Variants in CLMN observed in about 807,000 individuals in gnomAD.
CLMN encodes the protein calmin (calponin-like, transmembrane).
CLMN carries 57 observed loss-of-function variants against 92.7 expected under a neutral mutation model. The observed-to-expected ratio is 0.61, with a 90% confidence interval of 0.50 to 0.77. CLMN has a LOEUF of 0.77. Ranked by LOEUF, CLMN falls within the 30% of genes least tolerant of loss-of-function variation. CLMN has a pLI of 0.00. For synonymous variants in CLMN, 466 were observed against 470.6 expected (o/e 0.99, Z 0.13); for missense variants, 1,158 against 1,237.5 (o/e 0.94, Z 0.96).
intron 1 of CLMN, among the ~76,000 whole-genome samples, chr14:95,258,558 G>A (rs1899110356): frequency 6.7e-6 from 1 of 149,452 alleles, no homozygotes; most frequent in African/African-American, 2.5e-5. Flanking sequence ...TGTGTGGTGT[G>A]GTTGTGTGTG....
intron 1 of CLMN, among the ~76,000 whole-genome samples, chr14:95,270,337 A>G (rs1843854770): frequency 6.6e-6 from 1 of 152,236 alleles, no homozygotes; most frequent in South Asian, 2.1e-4. Context: ...CCCATAGCTC[A>G]GTGGTATCTA....
rs550367151 is a variant in CLMN, at chr14:95,259,344, G to A, written c.83-29211C>T. ...GCTGACAGCAGGCTGGACCCTGGCC[G>A]TCCACTGGCTCCCCACTCACCAGGC... is the stretch of plus-strand genomic sequence containing the variant. On this transcript the variant is annotated intron_variant, in intron 1 of 12. Transcript: ENST00000298912. The surrounding 1 kb of genome is among the most constrained non-coding windows in gnomAD (Gnocchi z 4.3). 1.8e-4 allele frequency among the ~76,000 whole-genome samples: 28 copies of A among 152,178 alleles called. No individual in the cohort carries two copies. Among genetic ancestry groups the A allele is most frequent in the African/African-American group, 5.5e-4 (23 of 41,490 alleles).
At chr14:95,209,602 TGAG>T in intron 7 of CLMN, 125 bp from the exon 8 acceptor site, 3 of 768,934 alleles carry the variant, frequency 3.9e-6, no homozygotes, top group Non-Finnish European at 4.5e-6. Context: ...ATTTTCCACT[TGAG>T]GAACTTTAGG....
intron 4 of CLMN, among the ~76,000 whole-genome samples, chr14:95,216,952 C>T (rs962614052): frequency 6.6e-6 from 1 of 152,144 alleles, no homozygotes; most frequent in Non-Finnish European, 1.5e-5. Flanking sequence ...AGTGCATGCT[C>T]GGGTTTGAGG....
intron 1 of CLMN, among the ~76,000 whole-genome samples, chr14:95,252,306 C>T (rs192698006): frequency 9.2e-5 from 14 of 152,278 alleles, no homozygotes; most frequent in Admixed American, 1.3e-4. Context: ...TGTCCCCATA[C>T]GGAAAGTGGG....
intron 1 of CLMN, among the ~76,000 whole-genome samples, chr14:95,276,359 G>T (rs1899927724): frequency 6.6e-6 from 1 of 152,178 alleles, no homozygotes; most frequent in Non-Finnish European, 1.5e-5. Flanking sequence ...ATTCTCTTTG[G>T]ATTAATCTGC....
At position 95,188,337 on chromosome 14, in the gene CLMN, C is replaced by T. The variant is rs886725425; in HGVS notation, c.*3227G>A. The T allele has an allele frequency of 2.6e-5, 4 of 152,200 alleles. No homozygotes were observed. Among genetic ancestry groups the T allele is most frequent in the East Asian group, 1.9e-4 (1 of 5,200 alleles). The allele number at this position is 152,200 out of a possible 1,614,324, so 9.4% of individuals were successfully genotyped here. On this transcript the variant is annotated 3_prime_UTR_variant, in exon 13 of 13. Coordinates refer to ENST00000298912, the MANE Select transcript of CLMN (RefSeq NM_024734.4). Reference sequence around the variant, plus strand: ...CTTCCCCTCAGACCACAATCATTAACGTCCACAGAGAGACAAAATCTGCAT... The same window carrying T: ...CTTCCCCTCAGACCACAATCATTAATGTCCACAGAGAGACAAAATCTGCAT...
In CLMN at chr14:95,194,211, G is replaced by A. The variant is rs1896635961; in HGVS notation, c.2770-292C>T. ...TACTGAGCACGTGCCACTGTCCATC[G>A]GACCTTGACTCATGTTGCACCTCTG... On this transcript the variant is annotated intron_variant, in intron 11 of 12. Coordinates refer to ENST00000298912, the MANE Select transcript of CLMN (RefSeq NM_024734.4). The surrounding 1 kb of genome is among the most constrained non-coding windows in gnomAD (Gnocchi z 4.0). 9 of 1,393,428 alleles carry A rather than the reference G, an allele frequency of 6.5e-6. No individual in the cohort carries two copies. Among genetic ancestry groups the A allele is most frequent in the African/African-American group, 1.5e-5 (1 of 68,918 alleles). The allele number at this position is 1,393,428 out of a possible 1,614,324, so 86.3% of individuals were successfully genotyped here.
At chr14:95,205,672 T>C (rs1161837717) in intron 8 of CLMN, among the ~76,000 whole-genome samples, 1 of 152,056 alleles carries the variant, frequency 6.6e-6, no homozygotes, top group African/African-American at 2.4e-5. Flanking sequence ...TGAAGTAAAA[T>C]TATATATGTG....
intron 1 of CLMN, among the ~76,000 whole-genome samples, chr14:95,251,766 C>T (rs773576516): frequency 6.6e-6 from 1 of 152,230 alleles, no homozygotes; most frequent in Non-Finnish European, 1.5e-5. Context: ...AACAGCACCT[C>T]TTCCCATTGT....
intron 1 of CLMN, among the ~76,000 whole-genome samples, chr14:95,273,588 G>A (rs143035342): frequency 9.7e-4 from 147 of 152,324 alleles, no homozygotes; most frequent in African/African-American, 3.3e-3. Context: ...ATCAGTGCTT[G>A]TGATGGTGCC....
chr14:95,220,374 A>G (rs1897495483), intron 4 of CLMN, among the ~76,000 whole-genome samples: 1 of 151,978 alleles, frequency 6.6e-6, no homozygotes, highest in African/African-American at 2.4e-5. Context: ...ATGGCGTTTC[A>G]TCATGTTGGC....
At chr14:95,255,308 G>C (rs1898953390) in intron 1 of CLMN, among the ~76,000 whole-genome samples, 1 of 152,334 alleles carries the variant, frequency 6.6e-6, no homozygotes, top group Non-Finnish European at 1.5e-5. Context: ...TGTGACTTCA[G>C]TTGCTAGCAG....
intron 1 of CLMN, among the ~76,000 whole-genome samples, chr14:95,301,575 A>C (rs1458493240): frequency 6.6e-6 from 1 of 152,196 alleles, no homozygotes; most frequent in Non-Finnish European, 1.5e-5. Context: ...CCAAAAGGTC[A>C]CTTCATTATT....
At chr14:95,211,461 A>T (rs1897194965) in intron 6 of CLMN, among the ~76,000 whole-genome samples, 1 of 152,190 alleles carries the variant, frequency 6.6e-6, no homozygotes, top group Non-Finnish European at 1.5e-5. Context: ...CAGTAATAGA[A>T]ATAAAAGCAC....
intron 1 of CLMN, among the ~76,000 whole-genome samples, chr14:95,295,276 C>T (rs765651701): frequency 5.9e-5 from 9 of 152,230 alleles, no homozygotes; most frequent in African/African-American, 9.6e-5. Context: ...AGGGTAGCCA[C>T]TGGAAAGGGT....
At position 95,259,281 on chromosome 14, in the gene CLMN, G is replaced by A. The variant is rs1017238897; in HGVS notation, c.83-29148C>T. Reference sequence around the variant, plus strand: ...CTTCCCCAATGTCAGTGGGAATGGAGGGGTAAACACATATGTTTGGTTGGG... The same window carrying A: ...CTTCCCCAATGTCAGTGGGAATGGAAGGGTAAACACATATGTTTGGTTGGG... On this transcript the variant is annotated intron_variant, in intron 1 of 12. Coordinates refer to ENST00000298912, the MANE Select transcript of CLMN (RefSeq NM_024734.4). The surrounding 1 kb of genome is among the most constrained non-coding windows in gnomAD (Gnocchi z 4.3). Among the ~76,000 whole-genome samples, 3 of 152,062 alleles carry A rather than the reference G, an allele frequency of 2.0e-5. No homozygotes were observed. The highest frequency in any genetic ancestry group is 7.3e-5 in the African/African-American group (3 of 41,366).
At chr14:95,215,813 CTCTGTGTGTGTGTGTGTGTGTG>C in intron 4 of CLMN, 80 bp from the exon 5 acceptor site, 17 of 850,884 alleles carry the variant, frequency 2.0e-5, no homozygotes, top group Non-Finnish European at 2.4e-5. Flanking sequence ...CTCTCTCTCT[CTCTGTGTGTGTGTGTGTGTGTG>C]TGTGTGTGTG....
chr14:95,262,002 G>A (rs529507406), intron 1 of CLMN, among the ~76,000 whole-genome samples: 8 of 152,342 alleles, frequency 5.3e-5, no homozygotes, highest in East Asian at 3.9e-4. Context: ...AGGAGGGCCC[G>A]CATCAAAGGC....
Sources: gnomAD v4.1 joint callset for allele counts (sites outside exome capture counted in the v4.1 genomes callset) on GRCh38, gnomAD v4.1.1 for gene constraint, Gnocchi (gnomAD v3.1) non-coding constraint, MANE v1.5 for transcripts, NCBI Gene and HGNC (gene_info 2026-07-23, HGNC 2026-07-21) for gene names.